The following OPCML variants were observed in gnomAD, a reference collection of about 807,000 sequenced individuals.
The protein encoded by OPCML is opioid-binding protein/cell adhesion molecule.
Under a neutral mutation model 37.8 loss-of-function variants are expected in OPCML, and 13 were observed. The ratio of observed to expected loss-of-function variants is 0.34; its 90% CI spans 0.22 to 0.55. The LOEUF is 0.55. Among genes scored for constraint, OPCML ranks in the 20% least tolerant of loss-of-function variants. The probability of loss-of-function intolerance (pLI) is 0.91; values close to 1 mark genes in which losing one functional copy is unlikely to be tolerated. For synonymous variants in OPCML, 176 were observed against 168.8 expected (o/e 1.04, Z -0.33); for missense variants, 341 against 435.6 (o/e 0.78, Z 1.93).
intron 4 of OPCML, among the ~76,000 whole-genome samples, chr11:132,441,165 G>T (rs3016467): frequency 0.062 from 4,450 of 71,462 alleles, 382 homozygotes; most frequent in African/African-American, 0.26. Flanking sequence ...GGACTTTTTT[G>T]TTTTTTTTTT....
chr11:133,375,294 C>T (rs947950114), intron 1 of OPCML, among the ~76,000 whole-genome samples: 1 of 152,230 alleles, frequency 6.6e-6, no homozygotes, highest in Admixed American at 6.5e-5. Context: ...ACTCCACCAC[C>T]TCCACGCTGG....
At chr11:132,443,385 C>T (rs1179602262) in intron 4 of OPCML, among the ~76,000 whole-genome samples, 1 of 152,172 alleles carries the variant, frequency 6.6e-6, no homozygotes, top group Non-Finnish European at 1.5e-5. Flanking sequence ...ACCCAGGGGT[C>T]TTTTTGGCTC....
chr11:133,024,625 G>T, intron 1 of OPCML: 1 of 943,478 alleles, frequency 1.1e-6, no homozygotes, highest in Non-Finnish European at 1.3e-6. Context: ...AACATGTCAA[G>T]CAAGTCTCAG....
rs147470450 is a variant in OPCML at position 132,492,874 on chromosome 11, C to T, written c.505+36187G>A. 3.9e-4 allele frequency among the ~76,000 whole-genome samples: 60 copies of T among 152,200 alleles called. 1 individual carries two copies. In the East Asian group the frequency reaches 8.3e-3, roughly 21 times the overall value. On this transcript the variant is annotated intron_variant, in intron 4 of 7. Coordinates refer to ENST00000524381, the MANE Select transcript of OPCML (RefSeq NM_001012393.5). Reference sequence around the variant, plus strand: ...TATTTTGAATGAATGAATAAATGAACGCTTCAGTAGACAGCATCTAGCACC... The same window carrying T: ...TATTTTGAATGAATGAATAAATGAATGCTTCAGTAGACAGCATCTAGCACC...
intron 2 of OPCML, among the ~76,000 whole-genome samples, chr11:132,853,706 T>C (rs1253310040): frequency 6.6e-6 from 1 of 152,254 alleles, no homozygotes; most frequent in Non-Finnish European, 1.5e-5. Context: ...AAGTATATGT[T>C]CATGGCTGGT....
intron 2 of OPCML, among the ~76,000 whole-genome samples, chr11:132,709,501 G>A (rs1281191628): frequency 1.3e-5 from 2 of 152,118 alleles, no homozygotes; most frequent in Non-Finnish European, 2.9e-5. Context: ...AGTGCATTTA[G>A]TTGTCCTTTT....
chr11:132,497,422 A>C (rs1225815057), intron 4 of OPCML, among the ~76,000 whole-genome samples: 7 of 141,958 alleles, frequency 4.9e-5, no homozygotes, highest in East Asian at 2.2e-4. Flanking sequence ...TGAACAAAAA[A>C]AAAAAAAAGA....
chr11:132,568,556 G>C (rs953983097), intron 3 of OPCML, among the ~76,000 whole-genome samples: 27 of 152,158 alleles, frequency 1.8e-4, no homozygotes, highest in Admixed American at 1.8e-3. Flanking sequence ...AAAGAATGCC[G>C]AGTGATGACA....
intron 2 of OPCML, among the ~76,000 whole-genome samples, chr11:132,750,767 A>T (rs556053308): frequency 1.3e-5 from 2 of 152,152 alleles, no homozygotes; most frequent in Non-Finnish European, 2.9e-5. Context: ...TGCCTTGGCA[A>T]TACAGAACAT....
intron 1 of OPCML, among the ~76,000 whole-genome samples, chr11:133,407,075 G>A (rs1437054778): frequency 6.6e-6 from 1 of 152,126 alleles, no homozygotes; most frequent in African/African-American, 2.4e-5. Flanking sequence ...GAACTGCTAA[G>A]CAGTATATTT....
At chr11:132,798,514 G>A (rs1938463802) in intron 2 of OPCML, among the ~76,000 whole-genome samples, 1 of 152,186 alleles carries the variant, frequency 6.6e-6, no homozygotes, top group Admixed American at 6.5e-5. Flanking sequence ...CATTAAGACT[G>A]TATTATGAAA....
chr11:133,088,801 G>C (rs915046160), intron 1 of OPCML, among the ~76,000 whole-genome samples: 1 of 152,192 alleles, frequency 6.6e-6, no homozygotes, highest in African/African-American at 2.4e-5. Context: ...GTTACCATCT[G>C]AGAGGGGGGC....
At chr11:132,795,548 T>A (rs4937721) in intron 2 of OPCML, among the ~76,000 whole-genome samples, 71,238 of 151,998 alleles carry the variant, frequency 0.47, 16,873 homozygotes, top group Admixed American at 0.5. Context: ...AACTCCCCAT[T>A]TGTCCCCAAG....
intron 4 of OPCML, among the ~76,000 whole-genome samples, chr11:132,488,552 TA>T (rs1456709636): frequency 1.3e-5 from 2 of 152,190 alleles, no homozygotes; most frequent in Non-Finnish European, 2.9e-5. Flanking sequence ...ATGGAGCTTG[TA>T]GGGCTGGAAG....
At chr11:132,734,874 T>TGAGTG (rs1362562934) in intron 2 of OPCML, among the ~76,000 whole-genome samples, 1 of 152,128 alleles carries the variant, frequency 6.6e-6, no homozygotes, top group Non-Finnish European at 1.5e-5. Flanking sequence ...GAGAAGGTAA[T>TGAGTG]GAGTGATCTT....
At chr11:132,556,814 C>T (rs181134648) in intron 3 of OPCML, among the ~76,000 whole-genome samples, 18 of 152,168 alleles carry the variant, frequency 1.2e-4, no homozygotes, top group Admixed American at 2.0e-4. Context: ...CACTTACCTG[C>T]ACCAAGTACT....
rs796255816 is a variant in OPCML, at chr11:132,937,536, G to GGT, written c.146+5388_146+5389dup. 4.1e-4 allele frequency among the ~76,000 whole-genome samples: 61 copies of GGT among 150,414 alleles called. 1 individual carries two copies. The highest frequency in any genetic ancestry group is 3.4e-3 in the Middle Eastern group (1 of 290). On this transcript the variant is annotated intron_variant, in intron 2 of 7. Coordinates refer to ENST00000524381, the MANE Select transcript of OPCML (RefSeq NM_001012393.5). ...TGTCTGTGTGGTGTGTGGTGTGTGT[G>GGT]GTGTGTGTGTGTGGAGTGTGTGTGT...
intron 1 of OPCML, among the ~76,000 whole-genome samples, chr11:133,210,050 G>A (rs1939288469): frequency 2.6e-5 from 4 of 152,152 alleles, no homozygotes; most frequent in Admixed American, 2.0e-4. Flanking sequence ...ACACCTCTCC[G>A]TACGTGCTAC....
intron 4 of OPCML, among the ~76,000 whole-genome samples, chr11:132,447,013 G>C (rs890784354): frequency 1.3e-5 from 2 of 152,110 alleles, no homozygotes; most frequent in African/African-American, 4.8e-5. Context: ...TGGCAAAGTG[G>C]CTTCTTGAGC....
Sources: gnomAD v4.1 joint callset for allele counts (sites outside exome capture counted in the v4.1 genomes callset) on GRCh38, gnomAD v4.1.1 for gene constraint, MANE v1.5 for transcripts, NCBI Gene and HGNC (gene_info 2026-07-23, HGNC 2026-07-21) for gene names.